The following AFF3 variants were observed in gnomAD, a reference collection of about 807,000 sequenced individuals.
AFF3 encodes the protein ALF transcription elongation factor 3.
AFF3 carries 32 observed loss-of-function variants against 129.7 expected under a neutral mutation model. The observed-to-expected ratio is 0.25, with a 90% CI of 0.19 to 0.33. The LOEUF (loss-of-function observed/expected upper bound fraction) is 0.33, where lower values mean the gene tolerates loss of function less well. Among genes scored for constraint, AFF3 ranks in the 10% least tolerant of loss-of-function variants. AFF3 has a pLI of 1.00. For synonymous variants in AFF3, 644 were observed against 635.4 expected (o/e 1.01, Z -0.20); for missense variants, 1,373 against 1,592.0 (o/e 0.86, Z 2.34).
At chr2:100,092,774 A>T (rs1559119638) in intron 4 of AFF3, among the ~76,000 whole-genome samples, 1 of 151,788 alleles carries the variant, frequency 6.6e-6, no homozygotes, top group Admixed American at 6.6e-5. Flanking sequence ...TTCCTTTAAG[A>T]CTGCAATCAG....
intron 4 of AFF3, among the ~76,000 whole-genome samples, chr2:100,038,584 G>A (rs1685167231): frequency 6.6e-6 from 1 of 152,100 alleles, no homozygotes; most frequent in South Asian, 2.1e-4. Flanking sequence ...CAGAGGCTGG[G>A]CACGGGTCCA....
At chr2:99,822,839 G>A (rs1219897957) in intron 8 of AFF3, among the ~76,000 whole-genome samples, 2 of 152,118 alleles carry the variant, frequency 1.3e-5, no homozygotes, top group Non-Finnish European at 2.9e-5. Context: ...TCCAGAGTTC[G>A]GGGTGGGGGT....
intron 11 of AFF3, among the ~76,000 whole-genome samples, chr2:99,682,176 G>C (rs948177059): frequency 6.6e-6 from 1 of 151,910 alleles, no homozygotes; most frequent in Admixed American, 6.6e-5. Context: ...CAAAGTGCTG[G>C]GATTACAGGT....
intron 7 of AFF3, among the ~76,000 whole-genome samples, chr2:99,914,021 G>C (rs931193752): frequency 5.9e-5 from 9 of 152,110 alleles, no homozygotes; most frequent in African/African-American, 2.2e-4. Context: ...CTTCTGGTAG[G>C]TACCACCAAC....
At chr2:99,695,938 G>GAAAAAAAAAAAAAAAAA (rs10719354) in intron 11 of AFF3, among the ~76,000 whole-genome samples, 2 of 57,650 alleles carry the variant, frequency 3.5e-5, no homozygotes, top group African/African-American at 7.2e-5. Context: ...CTGGAAAAAT[G>GAAAAAAAAAAAAAAAAA]AAAAAAAAAA....
intron 7 of AFF3, among the ~76,000 whole-genome samples, chr2:99,916,140 G>A (rs572027571): frequency 4.1e-4 from 62 of 152,252 alleles, no homozygotes; most frequent in African/African-American, 1.3e-3. Flanking sequence ...AAAATTCAGC[G>A]TTTCAAAGTG....
intron 4 of AFF3, among the ~76,000 whole-genome samples, chr2:100,018,818 A>G (rs1024668991): frequency 6.6e-6 from 1 of 152,064 alleles, no homozygotes; most frequent in African/African-American, 2.4e-5. Flanking sequence ...GCAGCAGCAC[A>G]GGGCCGTCAT....
At chr2:99,963,304 A>C (rs1308445602) in intron 7 of AFF3, among the ~76,000 whole-genome samples, 1 of 152,224 alleles carries the variant, frequency 6.6e-6, no homozygotes, top group Non-Finnish European at 1.5e-5. Flanking sequence ...TTCTCTAAAC[A>C]GAAAAGATAC....
intron 3 of AFF3, 23 bp downstream of exon 3, chr2:100,105,481 C>T (rs1408734160): frequency 6.0e-6 from 8 of 1,326,906 alleles, no homozygotes; most frequent in African/African-American, 1.5e-5. Context: ...TGGAAACCAA[C>T]CTCCTTTCTT....
At chr2:100,059,624 A>T (rs1272374635) in intron 4 of AFF3, among the ~76,000 whole-genome samples, 1 of 152,252 alleles carries the variant, frequency 6.6e-6, no homozygotes, top group African/African-American at 2.4e-5. Flanking sequence ...TATGTGAATT[A>T]TATCTGAATA....
intron 2 of AFF3, chr2:100,106,251 T>G (rs1236489026): frequency 8.5e-7 from 1 of 1,177,022 alleles, no homozygotes; most frequent in Non-Finnish European, 1.1e-6. Flanking sequence ...ATCAACATAG[T>G]CTGAGAAAAT....
intron 7 of AFF3, among the ~76,000 whole-genome samples, chr2:99,876,764 G>A (rs181560014): frequency 1.4e-4 from 21 of 152,188 alleles, no homozygotes; most frequent in African/African-American, 4.6e-4. Context: ...CTTGGCTCAC[G>A]AAGCTCTAGT....
intron 4 of AFF3, among the ~76,000 whole-genome samples, chr2:100,059,520 G>T (rs139389034): frequency 6.6e-6 from 1 of 152,208 alleles, no homozygotes; most frequent in East Asian, 1.9e-4. Context: ...TGGTAGGGTC[G>T]TAAAGATATT....
chr2:99,711,735 T>A (rs1166159312), intron 11 of AFF3, among the ~76,000 whole-genome samples: 1 of 152,182 alleles, frequency 6.6e-6, no homozygotes, highest in Non-Finnish European at 1.5e-5. Flanking sequence ...TACTTGCTTA[T>A]TGAATAAGTA....
chr2:99,818,864 T>C (rs1161956922), intron 8 of AFF3, among the ~76,000 whole-genome samples: 2 of 152,198 alleles, frequency 1.3e-5, no homozygotes, highest in Non-Finnish European at 1.5e-5. Flanking sequence ...GCATACTTAG[T>C]ATAGCCATAT....
intron 7 of AFF3, among the ~76,000 whole-genome samples, chr2:99,986,261 T>G (rs944795802): frequency 2.0e-5 from 3 of 148,664 alleles, no homozygotes; most frequent in Non-Finnish European, 3.0e-5. Flanking sequence ...ATGTAGGACA[T>G]GCACTGTGTT....
In AFF3 at chr2:99,881,853, T is replaced by C. The variant is rs76060234; in HGVS notation, c.874-44329A>G. On this transcript the variant is annotated intron_variant, in intron 7 of 24. Coordinates refer to ENST00000672756, the MANE Select transcript of AFF3 (RefSeq NM_001386135.1). ...GAGCCAAATTAGTTGCAATTTCTTGTTATGTATTGATAAGAACATTACCCG... is the reference window on the plus strand; with the variant it reads ...GAGCCAAATTAGTTGCAATTTCTTGCTATGTATTGATAAGAACATTACCCG... 3.6e-3 allele frequency among the ~76,000 whole-genome samples: 548 copies of C among 152,344 alleles called. 5 individuals are homozygous for C. The highest frequency in any genetic ancestry group is 0.011 in the African/African-American group (470 of 41,574).
At chr2:99,648,411 T>C (rs1173166735) in intron 13 of AFF3, among the ~76,000 whole-genome samples, 1 of 152,182 alleles carries the variant, frequency 6.6e-6, no homozygotes, top group Non-Finnish European at 1.5e-5. Context: ...ATATTCTACA[T>C]GTGTTTTGAT....
chr2:100,005,668 C>A (rs912633629), intron 7 of AFF3, among the ~76,000 whole-genome samples: 1 of 152,152 alleles, frequency 6.6e-6, no homozygotes, highest in Non-Finnish European at 1.5e-5. Context: ...CTCTACAAAA[C>A]CAGTGTAAAC....
Sources: gnomAD v4.1 joint callset for allele counts (sites outside exome capture counted in the v4.1 genomes callset) on GRCh38, gnomAD v4.1.1 for gene constraint, MANE v1.5 for transcripts, NCBI Gene and HGNC (gene_info 2026-07-23, HGNC 2026-07-21) for gene names.